MRM1: variants seen among roughly 807,000 people sequenced by gnomAD.
MRM1 encodes the protein mitochondrial rRNA methyltransferase 1.
MRM1 carries 24 observed loss-of-function variants against 25.0 expected under a neutral mutation model. That is an observed-to-expected ratio of 0.96 (90% confidence interval 0.69 to 1.35). MRM1 has a LOEUF of 1.35. Among genes scored for constraint, MRM1 ranks in the 40% most tolerant of loss-of-function variants. The pLI is 0.00. For missense variants in MRM1, 431 were observed against 464.1 expected (o/e 0.93, Z 0.65); for synonymous variants, 188 against 199.2 (o/e 0.94, Z 0.47).
chr17:36,607,577 C>T (rs1055341108), intron 2 of MRM1, 93 bp from the exon 3 acceptor site: 22 of 1,432,580 alleles, frequency 1.5e-5, no homozygotes, highest in African/African-American at 9.9e-5. Flanking sequence ...GAGCTGTGAT[C>T]GTGCCACTGC....
chr17:36,601,844 TG>T lies in MRM1; in HGVS notation c.38del (p.Gly13ValfsTer23). 6.3e-7 allele frequency: 1 copy of T among 1,588,988 alleles called. No individual in the cohort carries two copies. On this transcript the variant is annotated frameshift_variant, in exon 1 of 5. Coordinates refer to ENST00000614766, the MANE Select transcript of MRM1 (RefSeq NM_024864.5). LOFTEE classifies it high-confidence loss of function. The stretch of plus-strand genomic sequence containing the variant: ...GCTCTCGACCGTCCGGGGCGCGACC[TG>T]GGGTCGCCTCGTCACCCGTCATTTC... ...ALLSTVRGAT[W>X]GRLVTRHFSH...
At chr17:36,613,474 G>C (rs1206595369), downstream of MRM1, among the ~76,000 whole-genome samples, 1 of 152,138 alleles carries the variant, frequency 6.6e-6, no homozygotes, top group Non-Finnish European at 1.5e-5. Context: ...TTGAGGCAGG[G>C]GTCTTCCCTG....
At chr17:36,611,285 C>T (rs550647277), downstream of MRM1, among the ~76,000 whole-genome samples, 186 of 152,310 alleles carry the variant, frequency 1.2e-3, no homozygotes, top group African/African-American at 3.3e-3. Context: ...CCTCAGGTTC[C>T]GGAAGGTGCT....
chr17:36,623,300 CT>C, the MRM1 span, among the ~76,000 whole-genome samples: 1 of 152,170 alleles, frequency 6.6e-6, no homozygotes, highest in African/African-American at 2.4e-5. Context: ...ATATTTAATG[CT>C]GAATTTTGTC....
At chr17:36,633,020 G>A in the MRM1 span, among the ~76,000 whole-genome samples, 5 of 152,174 alleles carry the variant, frequency 3.3e-5, no homozygotes, top group Non-Finnish European at 4.4e-5. Flanking sequence ...AAACAAAAGC[G>A]GGATATATTG....
chr17:36,605,174 A>G (rs1402128164), intron 2 of MRM1, among the ~76,000 whole-genome samples: 1 of 150,372 alleles, frequency 6.7e-6, no homozygotes, highest in Non-Finnish European at 1.5e-5. Context: ...AGAGAGAGAG[A>G]GATGGGGTCT....
downstream of MRM1, among the ~76,000 whole-genome samples, chr17:36,609,550 C>T (rs908642388): frequency 1.3e-5 from 2 of 152,226 alleles, no homozygotes; most frequent in Non-Finnish European, 2.9e-5. Context: ...CACTAGATGC[C>T]TGTAGCATGA....
the MRM1 span, among the ~76,000 whole-genome samples, chr17:36,619,537 G>A: frequency 6.6e-6 from 1 of 152,058 alleles, no homozygotes; most frequent in African/African-American, 2.4e-5. Flanking sequence ...GTGTGGTAGC[G>A]CATGCCTGTA....
chr17:36,620,278 T>A, the MRM1 span, among the ~76,000 whole-genome samples: 1 of 137,428 alleles, frequency 7.3e-6, no homozygotes, highest in Non-Finnish European at 1.5e-5. Flanking sequence ...CACTCCTTTA[T>A]GCTGTCAATA....
Position 36,601,764 on chromosome 17 carries a change from C to G in MRM1, c.-47C>G. The G allele has an allele frequency of 6.7e-7, 1 of 1,499,498 alleles. No homozygotes were observed. The highest frequency in any genetic ancestry group is 8.9e-7 in the Non-Finnish European group (1 of 1,129,080). 92.9% of individuals were successfully genotyped at this position (1,499,498 alleles called of 1,614,324 possible). ...GCGAACTGCGGCGCGGGTTACCGCT[C>G]CCGGGGACGCAGCAAGGGGCATCGA... On this transcript the variant is annotated 5_prime_UTR_variant, in exon 1 of 5. Transcript: ENST00000614766.
rs1474999326 is a variant in MRM1, at chr17:36,602,084, G to A, written c.274G>A (p.Ala92Thr). ...QGKRAELLRM[A>T]EARDIPVLRP... ...GAAGCGGGCCGAGCTGCTCCGGATGGCCGAGGCGCGGGACATTCCAGTTCT... is the reference window on the plus strand; with the variant it reads ...GAAGCGGGCCGAGCTGCTCCGGATGACCGAGGCGCGGGACATTCCAGTTCT... The change falls in exon 1 of 5, where the codon GCC becomes ACC. Residue 92 changes from alanine to threonine, a missense_variant. Physicochemically the swap from Ala to Thr is moderately conservative, Grantham distance 58. Transcript: ENST00000614766. The surrounding 1 kb of genome is among the most constrained non-coding windows in gnomAD (Gnocchi z 4.1). 6.2e-7 allele frequency: 1 copy of A among 1,610,614 alleles called. No homozygotes were observed. The highest frequency in any genetic ancestry group is 2.2e-5 in the East Asian group (1 of 44,864).
the MRM1 span, among the ~76,000 whole-genome samples, chr17:36,630,299 T>A: frequency 6.6e-6 from 1 of 152,108 alleles, no homozygotes; most frequent in Admixed American, 6.5e-5. Flanking sequence ...AAAAGGGGCC[T>A]CCAAACCTTG....
chr17:36,613,570 C>G (rs146937419), downstream of MRM1, among the ~76,000 whole-genome samples: 2 of 152,282 alleles, frequency 1.3e-5, no homozygotes, highest in Non-Finnish European at 2.9e-5. Flanking sequence ...AGCTAGAGGT[C>G]CCTCCTCCTC....
At chr17:36,631,357 A>G in the MRM1 span, among the ~76,000 whole-genome samples, 1 of 152,204 alleles carries the variant, frequency 6.6e-6, no homozygotes. Flanking sequence ...CATTTAAATG[A>G]TTTGGGGTAC....
chr17:36,625,462 C>CTTTTTTTTTTTTTT, the MRM1 span, among the ~76,000 whole-genome samples: 206 of 101,998 alleles, frequency 2.0e-3, 21 homozygotes, highest in African/African-American at 7.5e-3. Flanking sequence ...CCTCCTCCTC[C>CTTTTTTTTTTTTTT]TTTTTTTTTT....
downstream of MRM1, among the ~76,000 whole-genome samples, chr17:36,613,026 G>A (rs1193417478): frequency 6.6e-6 from 1 of 152,108 alleles, no homozygotes; most frequent in Non-Finnish European, 1.5e-5. Context: ...AATGACATTT[G>A]TAGGATCCCC....
chr17:36,604,447 C>T (rs1429228970), intron 2 of MRM1, among the ~76,000 whole-genome samples: 2 of 152,182 alleles, frequency 1.3e-5, no homozygotes, highest in Non-Finnish European at 2.9e-5. Flanking sequence ...TTCCTCAACC[C>T]CCTGACTTCC....
chr17:36,620,073 GT>G, the MRM1 span, among the ~76,000 whole-genome samples: 9 of 152,108 alleles, frequency 5.9e-5, no homozygotes, highest in Non-Finnish European at 1.2e-4. Context: ...AGTTGTAGGA[GT>G]TCCTTATATA....
At chr17:36,610,237 CT>C (rs34382830), downstream of MRM1, among the ~76,000 whole-genome samples, 147 of 139,016 alleles carry the variant, frequency 1.1e-3, no homozygotes, top group South Asian at 4.4e-3. Flanking sequence ...GGCCTAAGAT[CT>C]TTTTTTTTTT....
Sources: gnomAD v4.1 joint callset for allele counts (sites outside exome capture counted in the v4.1 genomes callset) on GRCh38, gnomAD v4.1.1 for gene constraint, Gnocchi (gnomAD v3.1) non-coding constraint, MANE v1.5 for transcripts, NCBI Gene and HGNC (gene_info 2026-07-23, HGNC 2026-07-21) for gene names.